The following NRG1 variants were observed in gnomAD, a reference collection of about 807,000 sequenced individuals.
NRG1 encodes the protein pro-neuregulin-1, membrane-bound isoform.
Under a neutral mutation model 63.8 loss-of-function variants are expected in NRG1, and 18 were observed. That is an observed-to-expected ratio of 0.28 (90% CI 0.19 to 0.42). NRG1 has a LOEUF of 0.42. Among genes scored for constraint, NRG1 ranks in the 10% least tolerant of loss-of-function variants. The pLI is 1.00. For synonymous variants in NRG1, 302 were observed against 301.3 expected (o/e 1.00, Z -0.02); for missense variants, 762 against 814.7 (o/e 0.94, Z 0.79).
intron 1 of NRG1, among the ~76,000 whole-genome samples, chr8:32,594,160 C>G (rs532507217): frequency 6.6e-6 from 1 of 152,216 alleles, no homozygotes; most frequent in African/African-American, 2.4e-5. Context: ...AAATAGAGTT[C>G]CCTGAGTAGG....
intron 1 of NRG1, among the ~76,000 whole-genome samples, chr8:31,736,521 T>C (rs1814681420): frequency 6.6e-6 from 1 of 152,126 alleles, no homozygotes. Context: ...TATCCATAAT[T>C]GGGTAGTAGA....
chr8:31,773,890 T>C (rs1221800274), intron 1 of NRG1, among the ~76,000 whole-genome samples: 1 of 152,178 alleles, frequency 6.6e-6, no homozygotes, highest in Non-Finnish European at 1.5e-5. Flanking sequence ...ATCATAGTAA[T>C]TTACGTACCT....
At chr8:31,759,556 G>A (rs1817321498) in intron 1 of NRG1, among the ~76,000 whole-genome samples, 1 of 152,062 alleles carries the variant, frequency 6.6e-6, no homozygotes, top group South Asian at 2.1e-4. Context: ...ATAAGTGTGA[G>A]TTTATTGATG....
rs1828850354 is a variant in NRG1 at position 32,508,895 on chromosome 8, C to A, written c.38-86933C>A. Among the ~76,000 whole-genome samples the A allele has an allele frequency of 2.0e-5, 3 of 151,604 alleles. No individual in the cohort carries two copies. The South Asian group carries it at 6.3e-4, about 32-fold the overall frequency. On this transcript the variant is annotated intron_variant, in intron 1 of 10. Transcript: ENST00000519301. ...GACTATAGGCACACACCACCATGCC[C>A]AAATAATTTTTATATTCTTAGTAGA...
chr8:32,532,241 G>A (rs13253097), intron 1 of NRG1, among the ~76,000 whole-genome samples: 8,274 of 152,238 alleles, frequency 0.054, 300 homozygotes, highest in Middle Eastern at 0.085. Context: ...CTTCAAATAT[G>A]TTCACAAGCT....
intron 1 of NRG1, among the ~76,000 whole-genome samples, chr8:31,947,961 A>AC (rs1308688576): frequency 2.2e-4 from 33 of 149,526 alleles, no homozygotes; most frequent in African/African-American, 8.2e-4. Context: ...AAAAAAAAAA[A>AC]AAAAAAAAAA....
intron 1 of NRG1, among the ~76,000 whole-genome samples, chr8:31,937,786 G>A (rs1342939561): frequency 6.6e-6 from 1 of 152,080 alleles, no homozygotes; most frequent in Non-Finnish European, 1.5e-5. Context: ...CTCAACAGTG[G>A]CAGCCATAAT....
At chr8:31,757,776 A>G (rs937151472) in intron 1 of NRG1, among the ~76,000 whole-genome samples, 4 of 152,262 alleles carry the variant, frequency 2.6e-5, no homozygotes, top group African/African-American at 9.6e-5. Context: ...TTTATATATA[A>G]TAAAATATGA....
At chr8:32,236,038 G>A (rs1316582969) in intron 1 of NRG1, among the ~76,000 whole-genome samples, 6 of 152,122 alleles carry the variant, frequency 3.9e-5, no homozygotes, top group African/African-American at 1.4e-4. Flanking sequence ...AAGAAGTTAA[G>A]TATAATGTTT....
At chr8:31,691,692 GT>G (rs886517787) in intron 1 of NRG1, among the ~76,000 whole-genome samples, 1 of 145,998 alleles carries the variant, frequency 6.8e-6, no homozygotes, top group African/African-American at 2.5e-5. Context: ...AAGTTAAAGT[GT>G]TTTTTTCTTA....
At chr8:32,611,127 T>C (rs1478962447) in intron 3 of NRG1, among the ~76,000 whole-genome samples, 2 of 152,086 alleles carry the variant, frequency 1.3e-5, no homozygotes, top group Non-Finnish European at 1.5e-5. Flanking sequence ...TATAGGAAAA[T>C]ATACAACTAA....
chr8:32,581,386 T>C (rs537529916), intron 1 of NRG1, among the ~76,000 whole-genome samples: 6 of 152,294 alleles, frequency 3.9e-5, no homozygotes, highest in South Asian at 4.1e-4. Flanking sequence ...CCCTGATAAA[T>C]TCAATATGTT....
At chr8:32,529,780 G>T (rs1022788156) in intron 1 of NRG1, among the ~76,000 whole-genome samples, 1 of 152,170 alleles carries the variant, frequency 6.6e-6, no homozygotes, top group African/African-American at 2.4e-5. Flanking sequence ...CACACACGGA[G>T]CTGTCACTTT....
At chr8:32,400,548 C>T (rs1204661199) in intron 1 of NRG1, among the ~76,000 whole-genome samples, 1 of 152,026 alleles carries the variant, frequency 6.6e-6, no homozygotes, top group Non-Finnish European at 1.5e-5. Flanking sequence ...GGAAAATTAC[C>T]CAATATCACT....
At chr8:32,729,301 A>T (rs1454376399) in intron 6 of NRG1, among the ~76,000 whole-genome samples, 1 of 152,222 alleles carries the variant, frequency 6.6e-6, no homozygotes, top group Non-Finnish European at 1.5e-5. Context: ...AATATATTTA[A>T]TATTTTATTG....
intron 1 of NRG1, among the ~76,000 whole-genome samples, chr8:32,371,694 C>T (rs1808882501): frequency 6.6e-6 from 1 of 152,128 alleles, no homozygotes. Flanking sequence ...TCCCATTCTC[C>T]TTTCTGCCAT....
At chr8:32,186,519 T>C (rs1368249924) in intron 1 of NRG1, among the ~76,000 whole-genome samples, 1 of 151,358 alleles carries the variant, frequency 6.6e-6, no homozygotes, top group African/African-American at 2.4e-5. Context: ...AAAGAAATGA[T>C]TCGCATTGTA....
intron 1 of NRG1, among the ~76,000 whole-genome samples, chr8:31,708,216 T>C (rs1014920652): frequency 5.9e-5 from 9 of 152,270 alleles, no homozygotes; most frequent in African/African-American, 4.8e-5. Context: ...GTAACGTAAG[T>C]AAAAGTGATA....
At chr8:32,646,699 AAGG>A (rs1853623613) in intron 5 of NRG1, 2 of 985,196 alleles carry the variant, frequency 2.0e-6, no homozygotes, top group African/African-American at 1.7e-5. Context: ...AAGAAAGAAA[AAGG>A]AGGAAAACGG....
Sources: allele counts gnomAD v4.1 joint callset (sites outside exome capture counted in the v4.1 genomes callset), GRCh38; gene constraint gnomAD v4.1.1; transcripts MANE v1.5; gene names NCBI Gene and HGNC (gene_info 2026-07-23, HGNC 2026-07-21).